ELAVL2: variants seen among roughly 807,000 people sequenced by gnomAD.
ELAVL2 encodes the protein ELAV like RNA binding protein 2.
A neutral mutation model predicts 34.6 loss-of-function variants in ELAVL2; 4 were observed. The observed-to-expected ratio is 0.12, with a 90% CI of 0.06 to 0.26. ELAVL2 has a LOEUF of 0.26. ELAVL2 is among the 10% of genes least tolerant of loss of function. ELAVL2 has a pLI of 1.00. For missense variants in ELAVL2, 432 were observed against 442.8 expected (o/e 0.98, Z 0.22); for synonymous variants, 193 against 154.8 (o/e 1.25, Z -1.83).
intron 2 of ELAVL2, among the ~76,000 whole-genome samples, chr9:23,759,151 A>C (rs1389127252): frequency 1.3e-5 from 2 of 152,092 alleles, no homozygotes; most frequent in African/African-American, 4.8e-5. Context: ...ACAACAGCCA[A>C]AATATGGACT....
chr9:23,800,607 A>C (rs80342067), intron 1 of ELAVL2, among the ~76,000 whole-genome samples: 171 of 152,332 alleles, frequency 1.1e-3, no homozygotes, highest in African/African-American at 3.9e-3. Flanking sequence ...CATTATCCCC[A>C]ACTTTGGAAA....
At chr9:23,790,240 A>G (rs1250135200) in intron 1 of ELAVL2, among the ~76,000 whole-genome samples, 1 of 152,158 alleles carries the variant, frequency 6.6e-6, no homozygotes, top group Non-Finnish European at 1.5e-5. Context: ...TCTTGAAATT[A>G]AACTTCTGTG....
intron 3 of ELAVL2, among the ~76,000 whole-genome samples, chr9:23,722,022 C>T (rs1024766536): frequency 1.3e-5 from 2 of 152,148 alleles, no homozygotes; most frequent in Non-Finnish European, 2.9e-5. Context: ...AACTGTACAG[C>T]TCTGTCTCAT....
intron 1 of ELAVL2, among the ~76,000 whole-genome samples, chr9:23,790,188 G>GT (rs979743808): frequency 6.6e-6 from 1 of 152,090 alleles, no homozygotes; most frequent in African/African-American, 2.4e-5. Flanking sequence ...CAAAACAGAT[G>GT]TAACAGGTGT....
intron 3 of ELAVL2, among the ~76,000 whole-genome samples, 158 bp from the exon 4 acceptor site, chr9:23,705,229 T>C (rs957210116): frequency 6.6e-6 from 1 of 152,124 alleles, no homozygotes; most frequent in African/African-American, 2.4e-5. Flanking sequence ...TCCAGGAAAA[T>C]TCTAGACAAA....
intron 1 of ELAVL2, chr9:23,821,679 G>T: frequency 6.5e-6 from 1 of 152,894 alleles, no homozygotes; most frequent in African/African-American, 2.4e-5. Context: ...GAGTCGCTCG[G>T]GGCGAGCTCC....
At chr9:23,749,023 A>G (rs1414314524) in intron 2 of ELAVL2, among the ~76,000 whole-genome samples, 2 of 152,088 alleles carry the variant, frequency 1.3e-5, no homozygotes, top group African/African-American at 4.8e-5. Context: ...CAGAGTTTCT[A>G]TCTGGGATGA....
At chr9:23,839,229 G>A in the ELAVL2 span, among the ~76,000 whole-genome samples, 1 of 151,660 alleles carries the variant, frequency 6.6e-6, no homozygotes, top group East Asian at 1.9e-4. Context: ...TATCTTTTAA[G>A]TTTTATAAAC....
At chr9:23,842,633 T>G in the ELAVL2 span, among the ~76,000 whole-genome samples, 1 of 152,144 alleles carries the variant, frequency 6.6e-6, no homozygotes, top group Admixed American at 6.6e-5. Flanking sequence ...TAGTGGATAC[T>G]AAATAGCTAA....
At chr9:23,834,121 T>C in the ELAVL2 span, among the ~76,000 whole-genome samples, 2 of 151,994 alleles carry the variant, frequency 1.3e-5, no homozygotes, top group Non-Finnish European at 2.9e-5. Flanking sequence ...TCAGATTATA[T>C]TTTACGAAAT....
intron 1 of ELAVL2, among the ~76,000 whole-genome samples, chr9:23,822,942 G>A (rs574311379): frequency 2.6e-5 from 4 of 152,324 alleles, no homozygotes; most frequent in South Asian, 2.1e-4. Flanking sequence ...TGGGGGGAAG[G>A]GAGGGGACTC....
At chr9:23,766,436 G>A (rs1399667809) in intron 1 of ELAVL2, among the ~76,000 whole-genome samples, 3 of 152,094 alleles carry the variant, frequency 2.0e-5, no homozygotes, top group African/African-American at 4.8e-5. Flanking sequence ...AGGCATAAAT[G>A]TATGTCCTGA....
intron 1 of ELAVL2, among the ~76,000 whole-genome samples, chr9:23,785,696 G>C (rs1588488724): frequency 1.3e-5 from 2 of 152,130 alleles, no homozygotes; most frequent in Non-Finnish European, 2.9e-5. Context: ...TTCTGTCAAT[G>C]AGCAGCTGCT....
At chr9:23,772,615 A>T (rs1347878668) in intron 1 of ELAVL2, among the ~76,000 whole-genome samples, 2 of 151,986 alleles carry the variant, frequency 1.3e-5, no homozygotes, top group East Asian at 3.9e-4. Context: ...GGAGGCTACA[A>T]ATAAAGGGAT....
intron 1 of ELAVL2, among the ~76,000 whole-genome samples, chr9:23,777,718 T>C (rs963850717): frequency 2.6e-5 from 4 of 152,264 alleles, no homozygotes; most frequent in African/African-American, 9.6e-5. Flanking sequence ...TAGACCAAAT[T>C]TGCCTGCCAT....
chr9:23,736,283 A>G (rs1423202775), intron 2 of ELAVL2, among the ~76,000 whole-genome samples: 1 of 152,218 alleles, frequency 6.6e-6, no homozygotes, highest in Non-Finnish European at 1.5e-5. Context: ...GTATTTAAAA[A>G]AAACAAGAGT....
chr9:23,724,966 C>T (rs548699282), intron 3 of ELAVL2, among the ~76,000 whole-genome samples: 136 of 152,154 alleles, frequency 8.9e-4, no homozygotes, highest in African/African-American at 3.2e-3. Context: ...ACTATTACTT[C>T]TAAATTTTCC....
intron 1 of ELAVL2, among the ~76,000 whole-genome samples, chr9:23,775,678 C>T (rs767539238): frequency 7.2e-5 from 11 of 152,148 alleles, no homozygotes; most frequent in Admixed American, 1.3e-4. Context: ...CCTAGTGAGG[C>T]AGCTGACTTG....
At position 23,693,459 on chromosome 9, in the gene ELAVL2, A is replaced by G. The variant is rs775502029; in HGVS notation, c.741T>C (p.Tyr247=). ...ACCTCTATCATTACCTCTTTACTCC[A>G]TAAGCCATATTGAGCAGATTGTCCA... ...FRLDNLLNMA[Y]GVKRFSPMTI... is the part of the protein sequence containing the mutation. The change falls in exon 6 of 7, where the codon TAT becomes TAC. Residue 247 remains tyrosine, a synonymous_variant. Transcript: ENST00000397312. The G allele has an allele frequency of 6.2e-6, 10 of 1,614,142 alleles. No individual in the cohort carries two copies. Among genetic ancestry groups the G allele is most frequent in the Non-Finnish European group, 8.5e-6 (10 of 1,179,968 alleles).
Sources: gnomAD v4.1 joint callset for allele counts (sites outside exome capture counted in the v4.1 genomes callset) on GRCh38, gnomAD v4.1.1 for gene constraint, MANE v1.5 for transcripts, NCBI Gene and HGNC (gene_info 2026-07-23, HGNC 2026-07-21) for gene names.